NCKAP1L: variants seen among roughly 807,000 people sequenced by gnomAD.
The protein encoded by NCKAP1L is NCK associated protein 1 like, also known as nck-associated protein 1-like.
Under a neutral mutation model 139.2 loss-of-function variants are expected in NCKAP1L, and 53 were observed. The ratio of observed to expected loss-of-function variants is 0.38; its 90% CI spans 0.31 to 0.48. NCKAP1L has a LOEUF of 0.48. NCKAP1L is among the 20% of genes least tolerant of loss of function. The pLI, the probability that NCKAP1L is intolerant of heterozygous loss-of-function variation, is 0.98. For synonymous variants in NCKAP1L, 468 were observed against 499.7 expected (o/e 0.94, Z 0.85); for missense variants, 1,151 against 1,381.9 (o/e 0.83, Z 2.65).
chr12:54,517,958 A>G lies in NCKAP1L; in HGVS notation c.1338+20A>G, dbSNP rs372990004. On this transcript the variant is annotated intron_variant, in intron 13 of 30. Transcript: ENST00000293373. ...ATTCAGGTATGATATTTAATTGATT[A>G]TACTTTGGAAATTTCAGGATGATCC... 1.7e-4 allele frequency: 277 copies of G among 1,613,098 alleles called. No individual in the cohort carries two copies. Among genetic ancestry groups the G allele is most frequent in the Admixed American group, 2.0e-4 (12 of 59,982 alleles).
chr12:54,520,734 T>G lies in NCKAP1L; in HGVS notation c.1666T>G (p.Leu556Val). Residue 556 changes from leucine (L) to valine (V), a missense_variant, in exon 17 of 31, where the codon TTG becomes GTG. By Grantham distance (32) the Leu-to-Val change is conservative. Coordinates refer to ENST00000293373, the MANE Select transcript of NCKAP1L (RefSeq NM_005337.5). Reference protein sequence around the residue: ...RIFEKMFAMTLEESAMLRYAI... With the variant: ...RIFEKMFAMTVEESAMLRYAI... ...CTTTGAGAAGATGTTTGCCATGACCTTGGAGGAATCTGCCATGTTGCGTTA... is the reference window on the plus strand; with the variant it reads ...CTTTGAGAAGATGTTTGCCATGACCGTGGAGGAATCTGCCATGTTGCGTTA... 1 of 1,614,184 alleles carries G rather than the reference T, an allele frequency of 6.2e-7. No individual in the cohort carries two copies. The highest frequency in any genetic ancestry group is 1.1e-5 in the South Asian group (1 of 91,074).
intron 16 of NCKAP1L, 97 bp downstream of exon 16, chr12:54,519,429 A>ATT (rs10686138): frequency 0.27 from 133,046 of 492,544 alleles, 8,935 homozygotes; most frequent in Non-Finnish European, 0.29. Context: ...ATTTTGTTTA[A>ATT]TTTTTTTTTT....
At chr12:54,505,850 C>CG (rs1956835778) in intron 3 of NCKAP1L, among the ~76,000 whole-genome samples, 1 of 152,122 alleles carries the variant, frequency 6.6e-6, no homozygotes, top group East Asian at 1.9e-4. Context: ...TTAGTAGAGA[C>CG]GGGGTTTCTC....
chr12:54,513,057 A>C (rs554391815), intron 9 of NCKAP1L, among the ~76,000 whole-genome samples: 1 of 152,162 alleles, frequency 6.6e-6, no homozygotes, highest in African/African-American at 2.4e-5. Context: ...CCCAAAGAGG[A>C]TGGGGAACTA....
chr12:54,518,426 A>G (rs748116380), intron 13 of NCKAP1L, among the ~76,000 whole-genome samples: 28 of 152,160 alleles, frequency 1.8e-4, no homozygotes, highest in Admixed American at 9.8e-4. Context: ...TTTTTTCCCC[A>G]CTAAGTGAAA....
chr12:54,518,858 G>GT, intron 14 of NCKAP1L, 56 bp from the exon 15 acceptor site: 2 of 1,522,274 alleles, frequency 1.3e-6, no homozygotes. Flanking sequence ...ATTCTATGTA[G>GT]TTGGATATTG....
intron 1 of NCKAP1L, among the ~76,000 whole-genome samples, chr12:54,499,025 A>G (rs892280607): frequency 6.6e-6 from 1 of 151,928 alleles, no homozygotes; most frequent in African/African-American, 2.4e-5. Context: ...TCCCGGGTTC[A>G]AGCGATTCTC....
In NCKAP1L at chr12:54,545,623, G is replaced by GA. The variant is rs1384210748; in HGVS notation, c.*2944dup. ...GGGTCTCTGTCCTCTTACAACCTGG[G>GA]AAAAAATAAGTTGTGTCCCAGGTTG... On this transcript the variant is annotated 3_prime_UTR_variant, in exon 31 of 31. Coordinates refer to ENST00000293373, the MANE Select transcript of NCKAP1L (RefSeq NM_005337.5). 6.6e-6 allele frequency: 1 copy of GA among 152,160 alleles called. No homozygotes were observed. The highest frequency in any genetic ancestry group is 2.4e-5 in the African/African-American group (1 of 41,438). The allele number at this position is 152,160 out of a possible 1,614,324, so 9.4% of individuals were successfully genotyped here.
chr12:54,538,409 A>G (rs1284608679), intron 29 of NCKAP1L, among the ~76,000 whole-genome samples: 1 of 152,080 alleles, frequency 6.6e-6, no homozygotes, highest in Non-Finnish European at 1.5e-5. Context: ...TTCTTCTTTG[A>G]TCCTTTGGGG....
At chr12:54,506,737 AT>A (rs932301065) in intron 3 of NCKAP1L, among the ~76,000 whole-genome samples, 3 of 137,320 alleles carry the variant, frequency 2.2e-5, no homozygotes, top group Non-Finnish European at 3.1e-5. Context: ...TTGGCATCAT[AT>A]TTTTTTTATG....
intron 18 of NCKAP1L, among the ~76,000 whole-genome samples, chr12:54,523,112 G>A (rs565306447): frequency 1.3e-5 from 2 of 152,154 alleles, no homozygotes; most frequent in Non-Finnish European, 1.5e-5. Context: ...ATTAAGAAAG[G>A]TTCTCTCAGG....
rs1243798226 is a variant in NCKAP1L, at chr12:54,508,605, G to A, written c.506+74G>A. On this transcript the variant is annotated intron_variant, in intron 5 of 30. Coordinates refer to ENST00000293373, the MANE Select transcript of NCKAP1L (RefSeq NM_005337.5). Reference sequence around the variant, plus strand: ...TGATGTAGAGAGTCCCTCATGCAAAGGAAATTGATGCCATGATTTCTTATA... The same window carrying A: ...TGATGTAGAGAGTCCCTCATGCAAAAGAAATTGATGCCATGATTTCTTATA... 3.5e-6 allele frequency: 5 copies of A among 1,430,878 alleles called. No individual in the cohort carries two copies. The African/African-American group carries it at 7.1e-5, about 20-fold the overall frequency. 88.6% of individuals were successfully genotyped at this position (1,430,878 alleles called of 1,614,324 possible).
rs1023208462 is a variant in NCKAP1L at position 54,518,052 on chromosome 12, C to T, written c.1338+114C>T. 3.1e-6 allele frequency: 4 copies of T among 1,310,052 alleles called. No homozygotes were observed. In the African/African-American group the frequency reaches 4.4e-5, roughly 14 times the overall value. 81.2% of individuals were successfully genotyped at this position (1,310,052 alleles called of 1,614,324 possible). On this transcript the variant is annotated intron_variant, in intron 13 of 30. Transcript: ENST00000293373. The stretch of plus-strand genomic sequence containing the variant: ...TCTGTAAGTTGGGTGTCAAAAGGTC[C>T]AATCTAGGCTGGGCGCGGTGGCTCA...
intron 18 of NCKAP1L, among the ~76,000 whole-genome samples, chr12:54,521,656 G>A (rs370974797): frequency 2.0e-5 from 3 of 152,242 alleles, no homozygotes; most frequent in Admixed American, 6.5e-5. Context: ...ACATTTTGAA[G>A]CACCTCTTCT....
Position 54,499,248 on chromosome 12 carries a change from C to T in NCKAP1L, c.103-107C>T, listed in dbSNP as rs1238682632. 2.5e-5 allele frequency: 17 copies of T among 681,276 alleles called. No individual in the cohort carries two copies. The African/African-American group carries it at 3.1e-4, about 12-fold the overall frequency. The allele number at this position is 681,276 out of a possible 1,614,324, so 42.2% of individuals were successfully genotyped here. A position where few individuals can be genotyped will look rare whatever the true frequency, so the allele number is the denominator to read the frequency against. ...CTCTCATGCTTTTTAAATTAGTTCC[C>T]AGGTTGCCTTTTCCTAAGACAGATT... On this transcript the variant is annotated intron_variant, in intron 1 of 30. Transcript: ENST00000293373.
intron 20 of NCKAP1L, 75 bp from the exon 21 acceptor site, chr12:54,526,453 A>C: frequency 8.4e-7 from 1 of 1,188,968 alleles, no homozygotes; most frequent in Non-Finnish European, 1.2e-6. Context: ...CCTGGAACAC[A>C]ATATACACTC....
intron 29 of NCKAP1L, among the ~76,000 whole-genome samples, chr12:54,538,384 T>C (rs1450031363): frequency 6.6e-6 from 1 of 152,218 alleles, no homozygotes; most frequent in African/African-American, 2.4e-5. Flanking sequence ...GGGCCTGGGA[T>C]ACAATGAATC....
At chr12:54,516,804 T>A in intron 10 of NCKAP1L, 92 bp from the exon 11 acceptor site, 3 of 1,120,294 alleles carry the variant, frequency 2.7e-6, no homozygotes, top group South Asian at 2.5e-5. Context: ...CTGCCTGATA[T>A]CCCTTCCTAA....
chr12:54,521,803 C>A (rs925773619), intron 18 of NCKAP1L, among the ~76,000 whole-genome samples: 4 of 152,022 alleles, frequency 2.6e-5, no homozygotes, highest in Non-Finnish European at 5.9e-5. Flanking sequence ...ACTTGTTTTG[C>A]TGTTGCCCTG....
Sources: allele counts gnomAD v4.1 joint callset (sites outside exome capture counted in the v4.1 genomes callset), GRCh38; gene constraint gnomAD v4.1.1; transcripts MANE v1.5; gene names NCBI Gene and HGNC (gene_info 2026-07-23, HGNC 2026-07-21).